Variants in CNTNAP5 observed in about 807,000 individuals in gnomAD.
The protein encoded by CNTNAP5 is contactin associated protein family member 5.
A neutral mutation model predicts 150.2 loss-of-function variants in CNTNAP5; 72 were observed. The observed-to-expected ratio is 0.48, with a 90% CI of 0.40 to 0.58. CNTNAP5 has a LOEUF of 0.58. Among genes scored for constraint, CNTNAP5 ranks in the 20% least tolerant of loss-of-function variants. The pLI is 0.00. For missense variants in CNTNAP5, 1,636 were observed against 1,626.2 expected, an observed-to-expected ratio of 1.01 and a Z score of -0.10; for synonymous variants, 672 against 619.8, an observed-to-expected ratio of 1.08 and a Z score of -1.25.
chr2:124,107,259 T>C (rs938528587), intron 1 of CNTNAP5, among the ~76,000 whole-genome samples: 1 of 152,178 alleles, frequency 6.6e-6, no homozygotes. Flanking sequence ...ATGAGGGCTA[T>C]TGGAAACCAC....
chr2:124,770,797 G>A (rs79333741), intron 16 of CNTNAP5, among the ~76,000 whole-genome samples: 176 of 152,286 alleles, frequency 1.2e-3, no homozygotes, highest in African/African-American at 3.9e-3. Context: ...AATAACAACA[G>A]CCATCACCTG....
At chr2:124,700,804 A>G (rs1679504353) in intron 13 of CNTNAP5, among the ~76,000 whole-genome samples, 1 of 151,980 alleles carries the variant, frequency 6.6e-6, no homozygotes, top group Admixed American at 6.6e-5. Flanking sequence ...AATAGTATAT[A>G]TTTAAGGTAT....
At chr2:124,470,484 T>G (rs981858999) in intron 6 of CNTNAP5, among the ~76,000 whole-genome samples, 1 of 152,170 alleles carries the variant, frequency 6.6e-6, no homozygotes, top group Admixed American at 6.6e-5. Context: ...GTCAGATGAA[T>G]AGGTTGCAAA....
At chr2:124,717,256 G>A (rs1679963525) in intron 13 of CNTNAP5, among the ~76,000 whole-genome samples, 1 of 152,172 alleles carries the variant, frequency 6.6e-6, no homozygotes, top group African/African-American at 2.4e-5. Flanking sequence ...GAAGATCAGA[G>A]GCTGCGTGCT....
chr2:124,265,864 C>G (rs1041742296), intron 3 of CNTNAP5, among the ~76,000 whole-genome samples: 1 of 151,864 alleles, frequency 6.6e-6, no homozygotes, highest in Non-Finnish European at 1.5e-5. Context: ...AGTCAGGTTA[C>G]GGGTCAGTGC....
At chr2:124,913,712 G>T (rs1238230110) in intron 23 of CNTNAP5, among the ~76,000 whole-genome samples, 3 of 152,142 alleles carry the variant, frequency 2.0e-5, no homozygotes, top group Non-Finnish European at 4.4e-5. Context: ...ATACTTAGTT[G>T]TGAGGTGACA....
intron 19 of CNTNAP5, among the ~76,000 whole-genome samples, chr2:124,862,383 T>A (rs1677544514): frequency 6.6e-6 from 1 of 152,212 alleles, no homozygotes; most frequent in Non-Finnish European, 1.5e-5. Flanking sequence ...GACAACACCT[T>A]CCCTCTGACA....
At chr2:124,227,633 CGTGTGTATGTGT>C (rs1162806902) in intron 2 of CNTNAP5, among the ~76,000 whole-genome samples, 1 of 122,020 alleles carries the variant, frequency 8.2e-6, no homozygotes, top group Non-Finnish European at 1.7e-5. Flanking sequence ...CTCAGCACAT[CGTGTGTATGTGT>C]GTGTGTGTGT....
chr2:124,674,502 T>C (rs1678890916), intron 13 of CNTNAP5, among the ~76,000 whole-genome samples: 1 of 91,888 alleles, frequency 1.1e-5, no homozygotes, highest in Non-Finnish European at 2.6e-5. Flanking sequence ...ACTTCCTTTC[T>C]TTCTTTCTCT....
At chr2:124,524,885 C>A (rs1694930234) in intron 9 of CNTNAP5, among the ~76,000 whole-genome samples, 1 of 152,184 alleles carries the variant, frequency 6.6e-6, no homozygotes, top group Non-Finnish European at 1.5e-5. Context: ...CCTTCCTCTG[C>A]CACTTTCCTC....
chr2:124,464,379 A>G (rs6706133), intron 6 of CNTNAP5, among the ~76,000 whole-genome samples: 149,135 of 152,264 alleles, frequency 0.98, 73,118 homozygotes, highest in East Asian at 1. Flanking sequence ...AGAAAAAAGA[A>G]GGACACTGGA....
chr2:124,077,838 G>T (rs1246839626), intron 1 of CNTNAP5, among the ~76,000 whole-genome samples: 2 of 152,162 alleles, frequency 1.3e-5, no homozygotes, highest in Non-Finnish European at 2.9e-5. Flanking sequence ...TTAGGAGTTT[G>T]ACTGTACTCC....
At chr2:124,149,403 C>CAAAAAAAAAAAAAAAAAAAAAAAAAA (rs71394025) in intron 1 of CNTNAP5, among the ~76,000 whole-genome samples, 1 of 82,808 alleles carries the variant, frequency 1.2e-5, no homozygotes, top group Non-Finnish European at 2.2e-5. Context: ...GCGTCAATTG[C>CAAAAAAAAAAAAAAAAAAAAAAAAAA]AAAAAAAAAA....
At chr2:124,613,391 A>G (rs747634836) in intron 12 of CNTNAP5, among the ~76,000 whole-genome samples, 7 of 152,172 alleles carry the variant, frequency 4.6e-5, no homozygotes, top group Non-Finnish European at 1.0e-4. Context: ...CTCTTTCTGC[A>G]CCTTGTGCCT....
chr2:124,216,413 A>C (rs1686157288), intron 1 of CNTNAP5, among the ~76,000 whole-genome samples: 1 of 152,086 alleles, frequency 6.6e-6, no homozygotes, highest in Non-Finnish European at 1.5e-5. Flanking sequence ...TTATACTTTA[A>C]GTTTCAGGGT....
At chr2:124,122,792 A>ACACC (rs1553439314) in intron 1 of CNTNAP5, among the ~76,000 whole-genome samples, 137 of 113,446 alleles carry the variant, frequency 1.2e-3, no homozygotes, top group Admixed American at 6.2e-3. Flanking sequence ...ACACACACAC[A>ACACC]CCCACACCTT....
At chr2:124,261,469 A>C (rs955411696) in intron 3 of CNTNAP5, among the ~76,000 whole-genome samples, 4 of 152,198 alleles carry the variant, frequency 2.6e-5, no homozygotes, top group African/African-American at 7.2e-5. Flanking sequence ...TGTAACTTAC[A>C]TAAAAATATC....
chr2:124,407,024 A>G (rs1446561594), intron 3 of CNTNAP5, among the ~76,000 whole-genome samples: 2 of 152,204 alleles, frequency 1.3e-5, no homozygotes, highest in African/African-American at 2.4e-5. Context: ...GTTGCGAATG[A>G]CATGATTTCA....
chr2:124,394,640 T>A (rs1691200751), intron 3 of CNTNAP5, among the ~76,000 whole-genome samples: 1 of 152,216 alleles, frequency 6.6e-6, no homozygotes, highest in Non-Finnish European at 1.5e-5. Flanking sequence ...AATTGACATA[T>A]GCTTTGCCTT....
Sources: allele counts gnomAD v4.1 joint callset (sites outside exome capture counted in the v4.1 genomes callset), GRCh38; gene constraint gnomAD v4.1.1; transcripts MANE v1.5; gene names NCBI Gene and HGNC (gene_info 2026-07-23, HGNC 2026-07-21).